The following YME1L1 variants were observed in gnomAD, a reference collection of about 807,000 sequenced individuals.
The protein encoded by YME1L1 is YME1 like 1 ATPase, also known as ATP-dependent zinc metalloprotease YME1L1.
In YME1L1, 39 loss-of-function variants were observed where a neutral mutation model predicts 90.4. That is an observed-to-expected ratio of 0.43 (90% CI 0.33 to 0.56). The LOEUF (loss-of-function observed/expected upper bound fraction) is 0.56, where lower values mean the gene tolerates loss of function less well. YME1L1 is among the 20% of genes least tolerant of loss of function. The pLI is 0.03. For synonymous variants in YME1L1, 284 were observed against 287.3 expected (o/e 0.99, Z 0.12); for missense variants, 617 against 868.4 (o/e 0.71, Z 3.64).
rs2297151 is a variant in YME1L1 at position 27,115,998 on chromosome 10, G to T, written c.1920+62C>A. ...TATTACCAATTTATAATCAGAACCA[G>T]CTCTCAAATCAACACTTGACACATA... On this transcript the variant is annotated intron_variant, in intron 17 of 18. Transcript: ENST00000376016. 298,030 of 1,410,214 alleles carry T rather than the reference G, an allele frequency of 0.21. 37,510 individuals are homozygous for T. Among genetic ancestry groups the T allele is most frequent in the East Asian group, 0.58 (25,588 of 43,788 alleles). 87.4% of individuals were successfully genotyped at this position (1,410,214 alleles called of 1,614,324 possible).
intron 8 of YME1L1, among the ~76,000 whole-genome samples, chr10:27,127,006 A>G (rs1256993707): frequency 1.3e-5 from 2 of 152,238 alleles, no homozygotes; most frequent in African/African-American, 2.4e-5. Flanking sequence ...ACTATCCCCA[A>G]AAAAATCATT....
At chr10:27,139,785 C>T (rs1472574327) in intron 4 of YME1L1, among the ~76,000 whole-genome samples, 1 of 152,096 alleles carries the variant, frequency 6.6e-6, no homozygotes, top group African/African-American at 2.4e-5. Flanking sequence ...ATTTTAAAAC[C>T]TTCACATATC....
At chr10:27,123,062 T>G (rs899028630) in intron 10 of YME1L1, 89 bp from the exon 11 acceptor site, 13 of 1,464,554 alleles carry the variant, frequency 8.9e-6, no homozygotes, top group Non-Finnish European at 1.1e-5. Context: ...TATACAACTG[T>G]CAAAAGCCAA....
intron 1 of YME1L1, among the ~76,000 whole-genome samples, chr10:27,151,212 G>C (rs1332949503): frequency 2.0e-5 from 3 of 152,170 alleles, no homozygotes; most frequent in Middle Eastern, 3.4e-3. Context: ...GTGAGTCCCC[G>C]CGCCTGGCGA....
intron 5 of YME1L1, among the ~76,000 whole-genome samples, chr10:27,135,398 G>A (rs777670327): frequency 2.0e-5 from 3 of 152,278 alleles, no homozygotes; most frequent in Non-Finnish European, 2.9e-5. Context: ...TGATCTTAAA[G>A]TTTTCAGTCT....
In YME1L1 at chr10:27,116,152, A is replaced by T; in HGVS notation, c.1847-19T>A. The T allele has an allele frequency of 6.2e-7, 1 of 1,613,592 alleles. No homozygotes were observed. Among genetic ancestry groups the T allele is most frequent in the Non-Finnish European group, 8.5e-7 (1 of 1,179,796 alleles). ...GAAGCACCTAAAATAAAATAAAAAC[A>T]TACCATTTTAAAACATATCTTTAAG... On this transcript the variant is annotated intron_variant, in intron 16 of 18. Transcript: ENST00000376016.
intron 4 of YME1L1, among the ~76,000 whole-genome samples, chr10:27,140,780 T>C (rs1274826173): frequency 6.6e-6 from 1 of 152,126 alleles, no homozygotes; most frequent in African/African-American, 2.4e-5. Context: ...CCTGGCCGTA[T>C]TTAGGTATTT....
At chr10:27,138,609 T>G (rs1048986112) in intron 4 of YME1L1, among the ~76,000 whole-genome samples, 2 of 152,202 alleles carry the variant, frequency 1.3e-5, no homozygotes, top group African/African-American at 4.8e-5. Flanking sequence ...AACCTGCCGC[T>G]AGAATATAAG....
chr10:27,115,945 A>G, intron 17 of YME1L1, 115 bp downstream of exon 17: 2 of 930,860 alleles, frequency 2.1e-6, no homozygotes, highest in Non-Finnish European at 3.3e-6. Flanking sequence ...AGAGCCTCAA[A>G]TCCATTTGGA....
intron 2 of YME1L1, chr10:27,147,536 A>C: frequency 6.2e-7 from 1 of 1,612,272 alleles, no homozygotes; most frequent in East Asian, 2.2e-5. Context: ...CGGATGTGCC[A>C]GTTATCGGTT....
chr10:27,153,768 G>A (rs1272871540), intron 1 of YME1L1, among the ~76,000 whole-genome samples: 1 of 152,162 alleles, frequency 6.6e-6, no homozygotes, highest in Non-Finnish European at 1.5e-5. Context: ...AAAGAGCAGG[G>A]GATAGGGGCT....
chr10:27,145,010 G>A (rs964929346), intron 3 of YME1L1, among the ~76,000 whole-genome samples: 4 of 152,008 alleles, frequency 2.6e-5, no homozygotes, highest in African/African-American at 7.3e-5. Flanking sequence ...GCGTGGTGGC[G>A]GGCGCCTGTA....
chr10:27,145,803 T>C (rs899245739), intron 2 of YME1L1: 1 of 350,824 alleles, frequency 2.9e-6, no homozygotes, highest in South Asian at 9.4e-5. Context: ...AAAAATTATA[T>C]TCCTAATGGT....
Position 27,138,722 on chromosome 10 carries a change from C to T in YME1L1, c.431-2337G>A, listed in dbSNP as rs558942890. Among the ~76,000 whole-genome samples the T allele has an allele frequency of 1.2e-4, 19 of 152,028 alleles. No individual in the cohort carries two copies. In the South Asian group the frequency reaches 3.9e-3, roughly 32 times the overall value. On this transcript the variant is annotated intron_variant, in intron 4 of 18. Coordinates refer to ENST00000376016, the MANE Select transcript of YME1L1 (RefSeq NM_014263.4). ...TTTCTTGAATTTTCTGGTAAACAAT[C>T]GTTATCACCTGCAAATTATAATTTT...
chr10:27,111,789 A>G lies in YME1L1; in HGVS notation c.*188T>C. ...CAAAATATATTTGCCATGGGATGCT[A>G]ATTTGCAATAGGTGTCATAATGAGA... On this transcript the variant is annotated 3_prime_UTR_variant, in exon 19 of 19. Transcript: ENST00000376016. 1 of 736,726 alleles carries G rather than the reference A, an allele frequency of 1.4e-6. No individual in the cohort carries two copies. The highest frequency in any genetic ancestry group is 2.7e-5 in the East Asian group (1 of 37,122). 45.6% of individuals were successfully genotyped at this position (736,726 alleles called of 1,614,324 possible).
At chr10:27,143,707 A>AAAAG (rs994207145) in intron 3 of YME1L1, among the ~76,000 whole-genome samples, 2 of 151,584 alleles carry the variant, frequency 1.3e-5, no homozygotes, top group African/African-American at 2.4e-5. Context: ...TTTAAAAAAA[A>AAAAG]AAAAAAAAAG....
rs2057230257 is a variant in YME1L1 at position 27,152,408 on chromosome 10, CAAGAA to C, written c.33+1765_33+1769del. Among the ~76,000 whole-genome samples the C allele has an allele frequency of 2.0e-5, 3 of 152,262 alleles. No homozygotes were observed. The South Asian group carries it at 6.2e-4, about 32-fold the overall frequency. On this transcript the variant is annotated intron_variant, in intron 1 of 18. Transcript: ENST00000376016. ...CCAAATGTGTTACCATCCTTCAAAG[CAAGAA>C]ATGCCTGAGAGTCCTCACTATATTT...
chr10:27,126,562 C>A, intron 9 of YME1L1, 134 bp downstream of exon 9: 2 of 528,194 alleles, frequency 3.8e-6, no homozygotes, highest in Non-Finnish European at 3.3e-6. Flanking sequence ...TCAGAATGAA[C>A]ATCTATTTTG....
chr10:27,112,454 A>G (rs1308791978), intron 18 of YME1L1, among the ~76,000 whole-genome samples: 2 of 152,116 alleles, frequency 1.3e-5, no homozygotes, highest in African/African-American at 2.4e-5. Flanking sequence ...CCTGTGGAGA[A>G]TGCATTCCCT....
Sources: allele counts gnomAD v4.1 joint callset (sites outside exome capture counted in the v4.1 genomes callset), GRCh38; gene constraint gnomAD v4.1.1; transcripts MANE v1.5; gene names NCBI Gene and HGNC (gene_info 2026-07-23, HGNC 2026-07-21).